AOPEP: variants seen among roughly 807,000 people sequenced by gnomAD.
AOPEP encodes the protein aminopeptidase O.
In AOPEP, 77 loss-of-function variants were observed where a neutral mutation model predicts 98.1. The observed-to-expected ratio is 0.78, with a 90% CI of 0.65 to 0.95. The LOEUF is 0.95. AOPEP is among the 40% of genes least tolerant of loss of function. AOPEP has a pLI of 0.00. For synonymous variants in AOPEP, 346 were observed against 365.3 expected (o/e 0.95, Z 0.60); for missense variants, 1,024 against 1,024.7 (o/e 1.00, Z 0.01).
chr9:94,760,137 C>T lies in AOPEP; in HGVS notation c.354C>T (p.Asn118=), dbSNP rs1298963814. 2 of 1,614,070 alleles carry T rather than the reference C, an allele frequency of 1.2e-6. No individual in the cohort carries two copies. Among genetic ancestry groups the T allele is most frequent in the Admixed American group, 1.7e-5 (1 of 60,008 alleles). The stretch of plus-strand genomic sequence containing the variant: ...CTGATAAAGATGGTAACCATGACAA[C>T]CAGGAACATGCTTCTGGGATTTCTA... ...DTSDKDGNHD[N]QEHASGISSS... is the part of the protein sequence containing the mutation. The change falls in exon 2 of 17, where the codon AAC becomes AAT. Residue 118 remains asparagine (N), a synonymous_variant. Coordinates refer to ENST00000375315, the MANE Select transcript of AOPEP (RefSeq NM_001193329.3).
chr9:94,897,658 CTTATT>C (rs2049758413), intron 5 of AOPEP, among the ~76,000 whole-genome samples: 1 of 152,094 alleles, frequency 6.6e-6, no homozygotes, highest in African/African-American at 2.4e-5. Flanking sequence ...GGCTAAGTTT[CTTATT>C]TTATCAAGTG....
intron 5 of AOPEP, 35 bp downstream of exon 5, chr9:94,801,037 C>T (rs1418332678): frequency 2.5e-6 from 4 of 1,609,132 alleles, no homozygotes; most frequent in Non-Finnish European, 3.4e-6. Flanking sequence ...GGGGTACATA[C>T]ATTTTGGAAA....
At chr9:94,777,348 C>T (rs986237825) in intron 3 of AOPEP, among the ~76,000 whole-genome samples, 3 of 151,222 alleles carry the variant, frequency 2.0e-5, no homozygotes, top group South Asian at 2.1e-4. Context: ...AGGAGAATGG[C>T]GTGAACCCGG....
At chr9:94,962,310 C>T (rs906411551) in intron 9 of AOPEP, among the ~76,000 whole-genome samples, 1 of 152,220 alleles carries the variant, frequency 6.6e-6, no homozygotes, top group African/African-American at 2.4e-5. Context: ...ACACTTCCAG[C>T]CCCTCCACAG....
At chr9:95,004,438 C>T (rs962725193) in intron 11 of AOPEP, among the ~76,000 whole-genome samples, 63 of 151,774 alleles carry the variant, frequency 4.2e-4, no homozygotes, top group Non-Finnish European at 8.1e-4. Context: ...CCTGGCCTCG[C>T]CCCCCGGGAG....
At chr9:95,074,587 C>A (rs2068845055) in intron 14 of AOPEP, among the ~76,000 whole-genome samples, 1 of 152,158 alleles carries the variant, frequency 6.6e-6, no homozygotes, top group Non-Finnish European at 1.5e-5. Flanking sequence ...TGAGCATGTC[C>A]CGTAAGCAGA....
At chr9:95,117,624 T>C in the AOPEP span, among the ~76,000 whole-genome samples, 1 of 151,182 alleles carries the variant, frequency 6.6e-6, no homozygotes, top group South Asian at 2.1e-4. Flanking sequence ...GCTCTTGATG[T>C]CTTTATGAGT....
intron 5 of AOPEP, among the ~76,000 whole-genome samples, chr9:94,923,630 CT>C (rs1322652128): frequency 1.3e-5 from 2 of 152,246 alleles, no homozygotes; most frequent in Non-Finnish European, 2.9e-5. Context: ...ACAGCTTAGG[CT>C]TCACACTGTC....
At chr9:95,110,204 C>A in the AOPEP span, 1 of 976,452 alleles carries the variant, frequency 1.0e-6, no homozygotes, top group Non-Finnish European at 1.2e-6. Flanking sequence ...AGAAGATGTG[C>A]CAATGTAGAA....
At chr9:94,769,907 A>C (rs1020503706) in intron 2 of AOPEP, among the ~76,000 whole-genome samples, 8 of 152,246 alleles carry the variant, frequency 5.3e-5, no homozygotes, top group Non-Finnish European at 8.8e-5. Flanking sequence ...TAAAGAGGAC[A>C]TAATACTGAA....
intron 2 of AOPEP, among the ~76,000 whole-genome samples, chr9:94,767,353 T>C (rs1019949753): frequency 6.6e-6 from 1 of 152,186 alleles, no homozygotes; most frequent in African/African-American, 2.4e-5. Context: ...AATACAAGGA[T>C]GGACTGTATC....
At chr9:94,858,892 G>T (rs1341125602) in intron 5 of AOPEP, among the ~76,000 whole-genome samples, 1 of 152,098 alleles carries the variant, frequency 6.6e-6, no homozygotes, top group Non-Finnish European at 1.5e-5. Flanking sequence ...GCTGGGTGTG[G>T]TAGCGGGTGC....
intron 5 of AOPEP, among the ~76,000 whole-genome samples, chr9:94,856,029 T>C (rs1270386194): frequency 6.6e-6 from 1 of 152,170 alleles, no homozygotes; most frequent in African/African-American, 2.4e-5. Context: ...CTATGTTCTA[T>C]CTACTGAGGC....
intron 14 of AOPEP, among the ~76,000 whole-genome samples, chr9:95,061,666 A>T (rs1004683014): frequency 3.3e-5 from 5 of 152,250 alleles, no homozygotes; most frequent in Admixed American, 3.3e-4. Context: ...GGGATATATT[A>T]GGTTAAATAT....
At position 95,020,948 on chromosome 9, in the gene AOPEP, G is replaced by T. The variant is rs560314806; in HGVS notation, c.2115+15332G>T. ...AAAAAAAAAAAAAAGACATAAGCATGACCAGATAAATTGACATTTTGTTTT... is the reference window on the plus strand; with the variant it reads ...AAAAAAAAAAAAAAGACATAAGCATTACCAGATAAATTGACATTTTGTTTT... On this transcript the variant is annotated intron_variant, in intron 13 of 16. Coordinates refer to ENST00000375315, the MANE Select transcript of AOPEP (RefSeq NM_001193329.3). Among the ~76,000 whole-genome samples, 4 of 121,762 alleles carry T rather than the reference G, an allele frequency of 3.3e-5. No individual in the cohort carries two copies. The East Asian group carries it at 8.0e-4, about 24-fold the overall frequency. The allele number at this position is 121,762 out of a possible 152,430, so 79.9% of individuals were successfully genotyped here.
chr9:94,777,392 A>G (rs892267325), intron 3 of AOPEP, among the ~76,000 whole-genome samples: 3 of 151,444 alleles, frequency 2.0e-5, no homozygotes, highest in Non-Finnish European at 4.4e-5. Flanking sequence ...AGATCGTGCC[A>G]CTGCACTCCA....
chr9:95,016,590 A>G (rs1543848), intron 13 of AOPEP, among the ~76,000 whole-genome samples: 6,241 of 151,892 alleles, frequency 0.041, 428 homozygotes, highest in African/African-American at 0.14. Flanking sequence ...AGCATCCCAC[A>G]CGTTTCCAGC....
intron 5 of AOPEP, among the ~76,000 whole-genome samples, chr9:94,848,486 G>C (rs1030730481): frequency 2.7e-5 from 4 of 148,058 alleles, no homozygotes. Context: ...AGCCAGGCAT[G>C]GTGGTGCATG....
At chr9:94,864,774 A>G (rs2045518085) in intron 5 of AOPEP, among the ~76,000 whole-genome samples, 1 of 152,202 alleles carries the variant, frequency 6.6e-6, no homozygotes, top group Non-Finnish European at 1.5e-5. Context: ...CCTGCATTTC[A>G]TACACAACAG....
Sources: allele counts gnomAD v4.1 joint callset (sites outside exome capture counted in the v4.1 genomes callset), GRCh38; gene constraint gnomAD v4.1.1; transcripts MANE v1.5; gene names NCBI Gene and HGNC (gene_info 2026-07-23, HGNC 2026-07-21).